The following HTR1F variants were observed in gnomAD, a reference collection of about 807,000 sequenced individuals.
HTR1F encodes the protein 5-hydroxytryptamine receptor 1F, also known as 5-hydroxytryptamine (serotonin) receptor 1F, G protein-coupled.
In HTR1F, 17 loss-of-function variants were observed where a neutral mutation model predicts 24.0. The ratio of observed to expected loss-of-function variants is 0.71; its 90% CI spans 0.48 to 1.06. The LOEUF (loss-of-function observed/expected upper bound fraction) is 1.06, where lower values mean the gene tolerates loss of function less well. Ranked by LOEUF, HTR1F falls within the 50% of genes least tolerant of loss-of-function variation. The pLI, the probability that HTR1F is intolerant of heterozygous loss-of-function variation, is 0.00. For missense variants in HTR1F, 391 were observed against 427.8 expected (o/e 0.91, Z 0.76); for synonymous variants, 186 against 156.8 (o/e 1.19, Z -1.39).
At chr3:87,820,062 C>T (rs1162679373) in intron 1 of HTR1F, among the ~76,000 whole-genome samples, 11 of 151,702 alleles carry the variant, frequency 7.3e-5, no homozygotes, top group African/African-American at 2.4e-4. Flanking sequence ...TTTAACCCAA[C>T]TTCAAAAGAT....
chr3:87,934,883 TGAGACA>T (rs1421512566), intron 2 of HTR1F, among the ~76,000 whole-genome samples: 1 of 152,208 alleles, frequency 6.6e-6, no homozygotes, highest in Non-Finnish European at 1.5e-5. Context: ...ATTTTCATTT[TGAGACA>T]GAGTCTCACT....
At chr3:87,822,911 C>T (rs986427337) in intron 2 of HTR1F, among the ~76,000 whole-genome samples, 1 of 152,204 alleles carries the variant, frequency 6.6e-6, no homozygotes, top group African/African-American at 2.4e-5. Context: ...ATCAATTAGC[C>T]TCTCTGAATC....
rs1336822597 is a variant in HTR1F at position 87,991,577 on chromosome 3, A to C, written c.828A>C (p.Lys276Asn). Reference sequence around the variant, plus strand: ...TCAGGTCTGAATTCAAGCATGAGAAATCTTGGAGAAGGCAAAAGATCTCAG... The same window carrying C: ...TCAGGTCTGAATTCAAGCATGAGAACTCTTGGAGAAGGCAAAAGATCTCAG... ...RSLRSEFKHE[K>N]SWRRQKISGT... is the part of the protein sequence containing the mutation. Residue 276 changes from lysine (K) to asparagine (N), a missense_variant, in exon 3 of 3, where the codon AAA (lysine) becomes AAC (asparagine). Coordinates refer to ENST00000319595, the MANE Select transcript of HTR1F (RefSeq NM_001322209.2). The C allele has an allele frequency of 6.2e-7, 1 of 1,614,098 alleles. No individual in the cohort carries two copies. Among genetic ancestry groups the C allele is most frequent in the Non-Finnish European group, 8.5e-7 (1 of 1,180,000 alleles).
intron 2 of HTR1F, among the ~76,000 whole-genome samples, chr3:87,826,333 T>A (rs548224658): frequency 1.4e-4 from 22 of 152,242 alleles, no homozygotes; most frequent in Non-Finnish European, 2.9e-4. Flanking sequence ...TTCTTGCTCA[T>A]ACATCAATGA....
chr3:87,940,862 G>C (rs1479492416), intron 2 of HTR1F, among the ~76,000 whole-genome samples: 1 of 152,180 alleles, frequency 6.6e-6, no homozygotes, highest in African/African-American at 2.4e-5. Context: ...ATAGCAGTGA[G>C]TATGCCATTC....
chr3:87,823,361 T>TA (rs369283764), intron 2 of HTR1F, among the ~76,000 whole-genome samples: 1 of 152,212 alleles, frequency 6.6e-6, no homozygotes, highest in South Asian at 2.1e-4. Context: ...TATCAACAGT[T>TA]ACTGATTCAA....
At chr3:87,877,628 T>A (rs1441645555) in intron 2 of HTR1F, among the ~76,000 whole-genome samples, 1 of 152,170 alleles carries the variant, frequency 6.6e-6, no homozygotes, top group African/African-American at 2.4e-5. Context: ...GTAAAGAACC[T>A]GAGGCTTCAA....
intron 2 of HTR1F, among the ~76,000 whole-genome samples, chr3:87,921,035 C>A (rs1704002652): frequency 6.6e-6 from 1 of 151,886 alleles, no homozygotes; most frequent in Non-Finnish European, 1.5e-5. Context: ...TAATGTAATT[C>A]TACATATTAT....
chr3:87,986,400 T>C (rs558737738), intron 2 of HTR1F, among the ~76,000 whole-genome samples: 2 of 152,304 alleles, frequency 1.3e-5, no homozygotes, highest in African/African-American at 2.4e-5. Context: ...ATTAAAAAGA[T>C]TTCTGGAAAG....
chr3:87,877,944 C>T (rs1002547699), intron 2 of HTR1F, among the ~76,000 whole-genome samples: 1 of 152,124 alleles, frequency 6.6e-6, no homozygotes, highest in African/African-American at 2.4e-5. Flanking sequence ...AAAGTTTATC[C>T]AATTTCTCTC....
intron 2 of HTR1F, among the ~76,000 whole-genome samples, chr3:87,876,854 C>A (rs553230055): frequency 3.0e-4 from 45 of 152,098 alleles, no homozygotes; most frequent in Non-Finnish European, 5.9e-4. Flanking sequence ...TCATTCCCCT[C>A]CTTTTCATTA....
At chr3:87,812,850 G>A (rs1704183819) in intron 1 of HTR1F, among the ~76,000 whole-genome samples, 1 of 152,218 alleles carries the variant, frequency 6.6e-6, no homozygotes, top group African/African-American at 2.4e-5. Flanking sequence ...TGCTTCAGAG[G>A]GTGCAAGCCC....
At chr3:87,878,901 AAC>A (rs1705727013) in intron 2 of HTR1F, among the ~76,000 whole-genome samples, 1 of 152,164 alleles carries the variant, frequency 6.6e-6, no homozygotes, top group South Asian at 2.1e-4. Flanking sequence ...AATGTTCTGA[AAC>A]ACAGTAGGAA....
At chr3:87,952,848 GT>G (rs147012818) in intron 2 of HTR1F, among the ~76,000 whole-genome samples, 4 of 149,908 alleles carry the variant, frequency 2.7e-5, no homozygotes, top group Admixed American at 6.7e-5. Context: ...CTTTTTACTT[GT>G]TTTTTTTTCT....
At chr3:87,859,076 A>T (rs972397793) in intron 2 of HTR1F, among the ~76,000 whole-genome samples, 4 of 152,204 alleles carry the variant, frequency 2.6e-5, no homozygotes, top group Admixed American at 1.3e-4. Flanking sequence ...AGATGCCTGT[A>T]ATCCCAGCCT....
At chr3:87,794,288 C>G (rs1703866632) in intron 1 of HTR1F, among the ~76,000 whole-genome samples, 1 of 152,150 alleles carries the variant, frequency 6.6e-6, no homozygotes, top group South Asian at 2.1e-4. Flanking sequence ...TAAACAGGTC[C>G]AAGCATCACC....
intron 2 of HTR1F, among the ~76,000 whole-genome samples, chr3:87,926,293 A>C (rs1482151781): frequency 1.3e-5 from 2 of 152,200 alleles, no homozygotes; most frequent in Non-Finnish European, 2.9e-5. Flanking sequence ...GATTAACTAA[A>C]TATTTTAGAT....
At chr3:87,849,299 T>C (rs962231302) in intron 2 of HTR1F, among the ~76,000 whole-genome samples, 5 of 151,442 alleles carry the variant, frequency 3.3e-5, no homozygotes, top group Non-Finnish European at 5.9e-5. Flanking sequence ...TCAGAAATAA[T>C]GCCGCATATC....
chr3:87,828,069 G>A (rs998148003), intron 2 of HTR1F, among the ~76,000 whole-genome samples: 24 of 152,174 alleles, frequency 1.6e-4, no homozygotes, highest in African/African-American at 5.6e-4. Context: ...CTGGGTAGGG[G>A]AGGGTAATTG....
Sources: gnomAD v4.1 joint callset for allele counts (sites outside exome capture counted in the v4.1 genomes callset) on GRCh38, gnomAD v4.1.1 for gene constraint, MANE v1.5 for transcripts, NCBI Gene and HGNC (gene_info 2026-07-23, HGNC 2026-07-21) for gene names.